Variants in CNGB3 observed in about 807,000 individuals in gnomAD.
The protein encoded by CNGB3 is cyclic nucleotide-gated channel beta-3.
In CNGB3, 86 loss-of-function variants were observed where a neutral mutation model predicts 92.8. That is an observed-to-expected ratio of 0.93 (90% CI 0.78 to 1.11). CNGB3 has a LOEUF of 1.11. CNGB3 is among the 50% of genes least tolerant of loss of function. The pLI is 0.00. For synonymous variants in CNGB3, 333 were observed against 332.7 expected (o/e 1.00, Z -0.01); for missense variants, 1,026 against 956.8 (o/e 1.07, Z -0.95).
At chr8:86,705,315 C>A (rs925555677) in intron 3 of CNGB3, among the ~76,000 whole-genome samples, 1 of 152,044 alleles carries the variant, frequency 6.6e-6, no homozygotes, top group Admixed American at 6.6e-5. Flanking sequence ...CCAAATTGTA[C>A]TATGCACCAG....
intron 3 of CNGB3, among the ~76,000 whole-genome samples, chr8:86,722,747 G>A (rs1447806798): frequency 1.3e-5 from 2 of 152,114 alleles, no homozygotes; most frequent in Non-Finnish European, 2.9e-5. Flanking sequence ...GTTTAAGCTT[G>A]GACATTGGTC....
intron 6 of CNGB3, chr8:86,657,450 C>T: frequency 1.9e-6 from 1 of 515,558 alleles, no homozygotes; most frequent in South Asian, 1.5e-5. Context: ...GGGTTGCTGC[C>T]CAAGCCTGGG....
At chr8:86,709,340 G>A (rs1332929454) in intron 3 of CNGB3, among the ~76,000 whole-genome samples, 2 of 152,090 alleles carry the variant, frequency 1.3e-5, no homozygotes, top group Non-Finnish European at 2.9e-5. Flanking sequence ...CCCTGGCTAC[G>A]TTTTCCTCTA....
At chr8:86,691,353 T>G (rs1824310342) in intron 3 of CNGB3, among the ~76,000 whole-genome samples, 3 of 152,342 alleles carry the variant, frequency 2.0e-5, no homozygotes, top group African/African-American at 7.2e-5. Context: ...TCAATTTGGA[T>G]GCCATTGATT....
intron 15 of CNGB3, among the ~76,000 whole-genome samples, chr8:86,591,714 C>T (rs577081608): frequency 9.2e-5 from 14 of 152,342 alleles, no homozygotes; most frequent in South Asian, 4.1e-4. Context: ...TCTCCAGCTG[C>T]GTACTGGGAG....
chr8:86,721,429 G>T (rs542800346), intron 3 of CNGB3, among the ~76,000 whole-genome samples: 118 of 151,960 alleles, frequency 7.8e-4, no homozygotes, highest in African/African-American at 2.8e-3. Flanking sequence ...GTGGGAAGGG[G>T]GTGAAGGATA....
intron 2 of CNGB3, among the ~76,000 whole-genome samples, chr8:86,735,042 G>GGTTTTTTTTTTTTTTTTTTTTTT (rs1554618958): frequency 1.2e-5 from 1 of 85,886 alleles, no homozygotes; most frequent in Non-Finnish European, 2.1e-5. Context: ...AATGCCGGTG[G>GGTTTTTTTTTTTTTTTTTTTTTT]TTTTTTTTTT....
At chr8:86,685,144 A>T (rs993592765) in intron 3 of CNGB3, among the ~76,000 whole-genome samples, 1 of 152,076 alleles carries the variant, frequency 6.6e-6, no homozygotes, top group Admixed American at 6.6e-5. Context: ...TATATGGGAT[A>T]TTTCTGTATT....
chr8:86,677,809 T>C (rs1824004612), intron 3 of CNGB3, among the ~76,000 whole-genome samples: 1 of 152,216 alleles, frequency 6.6e-6, no homozygotes, highest in South Asian at 2.1e-4. Context: ...GGGAGATATG[T>C]AATGCCATCA....
At chr8:86,729,185 G>A (rs1192333215) in intron 2 of CNGB3, among the ~76,000 whole-genome samples, 1 of 152,186 alleles carries the variant, frequency 6.6e-6, no homozygotes, top group Non-Finnish European at 1.5e-5. Context: ...ATTGGTGTGA[G>A]CCACTGTGCC....
intron 3 of CNGB3, among the ~76,000 whole-genome samples, chr8:86,721,119 A>C (rs1824964519): frequency 6.6e-6 from 1 of 151,940 alleles, no homozygotes; most frequent in Non-Finnish European, 1.5e-5. Flanking sequence ...GGTGCACGCC[A>C]CCAGCCCAGC....
chr8:86,585,271 C>A (rs971454024), intron 15 of CNGB3, among the ~76,000 whole-genome samples: 2 of 152,004 alleles, frequency 1.3e-5, no homozygotes, highest in African/African-American at 2.4e-5. Flanking sequence ...ACATAAATAG[C>A]ATATGCAACA....
intron 2 of CNGB3, among the ~76,000 whole-genome samples, chr8:86,727,225 A>G (rs1229752942): frequency 6.6e-6 from 1 of 152,220 alleles, no homozygotes; most frequent in Non-Finnish European, 1.5e-5. Flanking sequence ...TGTATTATGT[A>G]ATAAAAGTTC....
intron 3 of CNGB3, among the ~76,000 whole-genome samples, chr8:86,696,771 A>C (rs918774435): frequency 6.6e-6 from 1 of 152,116 alleles, no homozygotes; most frequent in Non-Finnish European, 1.5e-5. Context: ...ATGGCATGGC[A>C]TATCTTTTTC....
At chr8:86,657,387 G>A (rs541293829) in intron 6 of CNGB3, 2 of 462,610 alleles carry the variant, frequency 4.3e-6, no homozygotes, top group Admixed American at 2.4e-5. Context: ...GCTTTTAGAT[G>A]ATGGTGATCT....
rs939679991 is a variant in CNGB3 at position 86,648,675 on chromosome 8, T to C, written c.904-788A>G. 4.2e-4 allele frequency among the ~76,000 whole-genome samples: 63 copies of C among 151,338 alleles called. 1 individual carries two copies. Among genetic ancestry groups the C allele is most frequent in the African/African-American group, 1.5e-3 (63 of 41,478 alleles). ...TTTGTGTAAAATAATTATTCATTTT[T>C]ATTAAATTTTACATGGTCTTAATAG... On this transcript the variant is annotated intron_variant, in intron 7 of 17. Transcript: ENST00000320005.
At chr8:86,698,132 C>T (rs1237991493) in intron 3 of CNGB3, among the ~76,000 whole-genome samples, 1 of 152,134 alleles carries the variant, frequency 6.6e-6, no homozygotes, top group African/African-American at 2.4e-5. Flanking sequence ...TCTGATAAAG[C>T]TGTGTGACCG....
chr8:86,720,813 C>CAT (rs4024072), intron 3 of CNGB3, among the ~76,000 whole-genome samples: 21,837 of 133,916 alleles, frequency 0.16, 2,278 homozygotes, highest in Non-Finnish European at 0.22. Context: ...TATTCCATGG[C>CAT]ATATATATAT....
At chr8:86,613,846 C>T (rs1240695558) in intron 13 of CNGB3, among the ~76,000 whole-genome samples, 1 of 148,256 alleles carries the variant, frequency 6.7e-6, no homozygotes. Context: ...TATTGTTTTC[C>T]TGTGGCAGTA....
Sources: allele counts gnomAD v4.1 joint callset (sites outside exome capture counted in the v4.1 genomes callset), GRCh38; gene constraint gnomAD v4.1.1; transcripts MANE v1.5; gene names NCBI Gene and HGNC (gene_info 2026-07-23, HGNC 2026-07-21).